Variants in DNAJC6 observed in about 807,000 individuals in gnomAD.
The protein encoded by DNAJC6 is DnaJ heat shock protein family (Hsp40) member C6, also known as auxilin.
A neutral mutation model predicts 110.0 loss-of-function variants in DNAJC6; 34 were observed. The ratio of observed to expected loss-of-function variants is 0.31; its 90% confidence interval spans 0.24 to 0.41. DNAJC6 has a LOEUF of 0.41. Among genes scored for constraint, DNAJC6 ranks in the 10% least tolerant of loss-of-function variants. The pLI, the probability that DNAJC6 is intolerant of heterozygous loss-of-function variation, is 1.00. For synonymous variants in DNAJC6, 406 were observed against 437.2 expected, an observed-to-expected ratio of 0.93 and a Z score of 0.89; for missense variants, 1,031 against 1,207.8, an observed-to-expected ratio of 0.85 and a Z score of 2.17.
At chr1:65,371,069 C>G (rs1035140858) in intron 4 of DNAJC6, among the ~76,000 whole-genome samples, 3 of 152,286 alleles carry the variant, frequency 2.0e-5, no homozygotes, top group East Asian at 3.9e-4. Context: ...AGTTATGAAG[C>G]CTTCCATGAA....
intron 1 of DNAJC6, among the ~76,000 whole-genome samples, chr1:65,346,310 T>C (rs1645436246): frequency 6.6e-6 from 1 of 152,126 alleles, no homozygotes; most frequent in Admixed American, 6.6e-5. Context: ...GAGTGTGCTA[T>C]CCCTGGGGAA....
At chr1:65,329,335 A>G (rs1054716172) in intron 1 of DNAJC6, among the ~76,000 whole-genome samples, 1 of 152,138 alleles carries the variant, frequency 6.6e-6, no homozygotes, top group Non-Finnish European at 1.5e-5. Flanking sequence ...TTAAGTAGCT[A>G]TGAGCCTATA....
At chr1:65,365,155 A>G (rs1645634262) in intron 2 of DNAJC6, among the ~76,000 whole-genome samples, 1 of 152,038 alleles carries the variant, frequency 6.6e-6, no homozygotes, top group Non-Finnish European at 1.5e-5. Context: ...TTGTTTAGGG[A>G]TTAAATGAGA....
intron 1 of DNAJC6, among the ~76,000 whole-genome samples, chr1:65,282,345 C>CA (rs957410414): frequency 6.6e-6 from 1 of 152,132 alleles, no homozygotes; most frequent in African/African-American, 2.4e-5. Flanking sequence ...TGTTGAGATG[C>CA]AAAAACAATT....
chr1:65,360,086 T>C (rs1014869289), intron 1 of DNAJC6, among the ~76,000 whole-genome samples: 23 of 152,226 alleles, frequency 1.5e-4, no homozygotes, highest in African/African-American at 5.5e-4. Flanking sequence ...CATTTTCTTC[T>C]TTGTTGTGCC....
chr1:65,402,486 G>A (rs1368472504), intron 15 of DNAJC6, among the ~76,000 whole-genome samples: 1 of 151,998 alleles, frequency 6.6e-6, no homozygotes, highest in African/African-American at 2.4e-5. Flanking sequence ...CCACTAAGAG[G>A]GACACAGTAT....
intron 1 of DNAJC6, among the ~76,000 whole-genome samples, chr1:65,337,000 T>C (rs1372346171): frequency 1.3e-5 from 2 of 149,768 alleles, no homozygotes; most frequent in African/African-American, 5.1e-5. Flanking sequence ...TGTGTAATTT[T>C]TGTTGTTGTT....
At chr1:65,376,818 A>G (rs1436094529) in intron 4 of DNAJC6, among the ~76,000 whole-genome samples, 1 of 152,078 alleles carries the variant, frequency 6.6e-6, no homozygotes, top group African/African-American at 2.4e-5. Flanking sequence ...TGCCTGGGCT[A>G]GAGTGCAATG....
At chr1:65,359,010 C>T (rs963810554) in intron 1 of DNAJC6, among the ~76,000 whole-genome samples, 2 of 152,204 alleles carry the variant, frequency 1.3e-5, no homozygotes, top group Non-Finnish European at 1.5e-5. Flanking sequence ...TTTGATACCA[C>T]TTCTCACAGT....
upstream of DNAJC6, among the ~76,000 whole-genome samples, chr1:65,308,407 A>T (rs778553613): frequency 6.6e-6 from 1 of 152,188 alleles, no homozygotes; most frequent in Non-Finnish European, 1.5e-5. Context: ...CTTGATCTTG[A>T]CCTAAGATGA....
At chr1:65,325,004 A>G (rs1645229494) in intron 1 of DNAJC6, among the ~76,000 whole-genome samples, 1 of 152,212 alleles carries the variant, frequency 6.6e-6, no homozygotes, top group Non-Finnish European at 1.5e-5. Context: ...CATCAAGCTA[A>G]TGGTACTTAG....
In DNAJC6 at chr1:65,321,165, A is replaced by G. The variant is rs116153731; in HGVS notation, c.193+11227A>G. Among the ~76,000 whole-genome samples, 533 of 152,288 alleles carry G rather than the reference A, an allele frequency of 3.5e-3. 3 individuals carry two copies. The highest frequency in any genetic ancestry group is 0.013 in the African/African-American group (520 of 41,558). On this transcript the variant is annotated intron_variant, in intron 1 of 18. Transcript: ENST00000371069. ...TACATCATAGACAAGGTCAGCAATT[A>G]TACTGTTCAACACTAAGTATCAGTC...
intron 1 of DNAJC6, among the ~76,000 whole-genome samples, chr1:65,329,168 C>T (rs1467423583): frequency 3.3e-5 from 5 of 152,316 alleles, no homozygotes; most frequent in East Asian, 3.9e-4. Flanking sequence ...GCCTGCACTT[C>T]GGCCACAGCA....
intron 1 of DNAJC6, among the ~76,000 whole-genome samples, chr1:65,326,888 GCGT>G (rs974066289): frequency 3.3e-5 from 5 of 152,178 alleles, no homozygotes; most frequent in African/African-American, 1.2e-4. Context: ...TTATTTGTGT[GCGT>G]CTCATCCAAA....
At position 65,275,260 on chromosome 1, in the gene DNAJC6, A is replaced by G. The variant is rs775713120; in HGVS notation, c.-131+10328A>G. ...CTCCCTTTAGGATTTCTTGTAGTGC[A>G]TATATGCTAGAAACAAATATTCTCA... On this transcript the variant is annotated intron_variant, in intron 1 of 19. Coordinates refer to the DNAJC6 transcript ENST00000263441. Among the ~76,000 whole-genome samples, 5 of 152,094 alleles carry G rather than the reference A, an allele frequency of 3.3e-5. No homozygotes were observed. The South Asian group carries it at 6.2e-4, about 19-fold the overall frequency.
intron 1 of DNAJC6, among the ~76,000 whole-genome samples, chr1:65,325,156 C>T (rs901160883): frequency 2.6e-5 from 4 of 152,166 alleles, no homozygotes; most frequent in Admixed American, 6.5e-5. Flanking sequence ...TGGAGGCAGC[C>T]GAGGTCCTAG....
chr1:65,300,574 A>G (rs1644969877), intron 1 of DNAJC6, among the ~76,000 whole-genome samples: 1 of 152,246 alleles, frequency 6.6e-6, no homozygotes, highest in Admixed American at 6.5e-5. Context: ...GAAGCATAGA[A>G]GATGGAGAGC....
intron 5 of DNAJC6, among the ~76,000 whole-genome samples, chr1:65,381,548 CAA>C (rs35401253): frequency 0.02 from 2,398 of 118,004 alleles, 53 homozygotes; most frequent in African/African-American, 0.07. Flanking sequence ...GATTCCCTCT[CAA>C]AAAAAAAAAA....
At chr1:65,302,106 TAA>T (rs1491418053) in intron 1 of DNAJC6, among the ~76,000 whole-genome samples, 23,671 of 66,224 alleles carry the variant, frequency 0.36, 3,351 homozygotes, top group African/African-American at 0.58. Context: ...ATATAATATA[TAA>T]TATATATATA....
Sources: gnomAD v4.1 joint callset for allele counts (sites outside exome capture counted in the v4.1 genomes callset) on GRCh38, gnomAD v4.1.1 for gene constraint, MANE v1.5 for transcripts, NCBI Gene and HGNC (gene_info 2026-07-23, HGNC 2026-07-21) for gene names.